The following CHCHD6 variants were observed in gnomAD, a reference collection of about 807,000 sequenced individuals.
CHCHD6 encodes the protein MICOS complex subunit MIC25.
A neutral mutation model predicts 32.3 loss-of-function variants in CHCHD6; 28 were observed. The ratio of observed to expected loss-of-function variants is 0.87; its 90% CI spans 0.64 to 1.19. The LOEUF is 1.19. Among genes scored for constraint, CHCHD6 ranks in the 50% most tolerant of loss-of-function variants. The probability of loss-of-function intolerance (pLI) is 0.00; values close to 1 mark genes in which losing one functional copy is unlikely to be tolerated. For synonymous variants in CHCHD6, 122 were observed against 117.5 expected (o/e 1.04, Z -0.25); for missense variants, 333 against 307.0 (o/e 1.08, Z -0.63).
Position 126,769,483 on chromosome 3 carries a change from G to A in CHCHD6, c.411+36261G>A, listed in dbSNP as rs1440836863. 2.6e-5 allele frequency among the ~76,000 whole-genome samples: 4 copies of A among 152,176 alleles called. No individual in the cohort carries two copies. In the East Asian group the frequency reaches 7.7e-4, roughly 29 times the overall value. On this transcript the variant is annotated intron_variant, in intron 4 of 7. Coordinates refer to ENST00000290913, the MANE Select transcript of CHCHD6 (RefSeq NM_032343.3). The stretch of plus-strand genomic sequence containing the variant: ...CGCTTTGTTCTTTTTGCTTAGGATT[G>A]CCTGGGCTATTTGGGCTCTTTTTTT...
chr3:126,745,455 G>A (rs1292528287), intron 4 of CHCHD6, among the ~76,000 whole-genome samples: 1 of 152,188 alleles, frequency 6.6e-6, no homozygotes, highest in Non-Finnish European at 1.5e-5. Flanking sequence ...TCTGGCAGAT[G>A]GAAGGTGGTC....
intron 4 of CHCHD6, among the ~76,000 whole-genome samples, chr3:126,828,856 A>G (rs1359484491): frequency 6.6e-6 from 1 of 151,960 alleles, no homozygotes; most frequent in Admixed American, 6.6e-5. Context: ...GCTGTTGATC[A>G]TTGCGTTCCC....
At chr3:126,796,956 T>C (rs919161883) in intron 4 of CHCHD6, among the ~76,000 whole-genome samples, 3 of 152,200 alleles carry the variant, frequency 2.0e-5, no homozygotes, top group African/African-American at 7.2e-5. Flanking sequence ...AGGGAAGCTT[T>C]AGGAAAGCTG....
chr3:126,890,226 C>A (rs1367588183), intron 5 of CHCHD6, among the ~76,000 whole-genome samples: 1 of 152,216 alleles, frequency 6.6e-6, no homozygotes, highest in Admixed American at 6.5e-5. Context: ...TTGCAGAAAT[C>A]ATCAATAGCT....
intron 4 of CHCHD6, among the ~76,000 whole-genome samples, chr3:126,757,475 T>C (rs1046831702): frequency 6.6e-6 from 1 of 152,094 alleles, no homozygotes; most frequent in Non-Finnish European, 1.5e-5. Context: ...GTAAAGGGCT[T>C]TGTTTATGGT....
Position 126,798,177 on chromosome 3 carries a change from C to T in CHCHD6, c.412-54470C>T, listed in dbSNP as rs150143816. 1.9e-3 allele frequency among the ~76,000 whole-genome samples: 292 copies of T among 152,178 alleles called. 1 individual carries two copies. The highest frequency in any genetic ancestry group is 6.5e-3 in the African/African-American group (270 of 41,528). On this transcript the variant is annotated intron_variant, in intron 4 of 7. Transcript: ENST00000290913. ...GAGCGCAGCAGGGTGACAAGGCACA[C>T]GGGCCACTCGGGCTTCCTGGGCCAG...
At chr3:126,922,391 A>G (rs1295461326) in intron 6 of CHCHD6, among the ~76,000 whole-genome samples, 1 of 152,202 alleles carries the variant, frequency 6.6e-6, no homozygotes, top group Admixed American at 6.5e-5. Context: ...TCAGCTTCTT[A>G]TGAAAACCAG....
At chr3:126,788,395 G>C (rs1938338120) in intron 4 of CHCHD6, among the ~76,000 whole-genome samples, 1 of 152,196 alleles carries the variant, frequency 6.6e-6, no homozygotes, top group Non-Finnish European at 1.5e-5. Flanking sequence ...GTTTCAGAAG[G>C]AATGGTACCA....
intron 5 of CHCHD6, among the ~76,000 whole-genome samples, chr3:126,868,053 C>T (rs1942348028): frequency 6.6e-6 from 1 of 152,234 alleles, no homozygotes; most frequent in African/African-American, 2.4e-5. Context: ...TCATCTGTCC[C>T]TGGAGCGCAA....
At chr3:126,788,614 G>A (rs897185924) in intron 4 of CHCHD6, among the ~76,000 whole-genome samples, 4 of 152,152 alleles carry the variant, frequency 2.6e-5, no homozygotes, top group African/African-American at 9.7e-5. Context: ...TATTTGTGTA[G>A]AAGTGTTTAT....
chr3:126,901,999 G>A (rs2077934997), intron 5 of CHCHD6, among the ~76,000 whole-genome samples: 2 of 152,214 alleles, frequency 1.3e-5, no homozygotes, highest in South Asian at 4.1e-4. Flanking sequence ...GAGGAAACAG[G>A]AACGCGCAAG....
Position 126,958,128 on chromosome 3 carries a change from GC to G in CHCHD6, c.702+578del, listed in dbSNP as rs2078812555. 2.6e-5 allele frequency among the ~76,000 whole-genome samples: 4 copies of G among 151,686 alleles called. No individual in the cohort carries two copies. In the South Asian group the frequency reaches 8.5e-4, roughly 32 times the overall value. ...CTCGGTTGTCCTGGATGCCTGTGAT[GC>G]GCTCCCAGCCAGCTCCTACTGCCTT... is the stretch of plus-strand genomic sequence containing the variant. On this transcript the variant is annotated intron_variant, in intron 7 of 7. Transcript: ENST00000290913.
At position 126,723,407 on chromosome 3, in the gene CHCHD6, G is replaced by A. The variant is rs540823296; in HGVS notation, c.88-3671G>A. Among the ~76,000 whole-genome samples the A allele has an allele frequency of 9.2e-5, 14 of 152,274 alleles. No homozygotes were observed. In the South Asian group the frequency reaches 1.5e-3, roughly 16 times the overall value. On this transcript the variant is annotated intron_variant, in intron 1 of 7. Transcript: ENST00000290913. Reference sequence around the variant, plus strand: ...GTTTTGTAGATTTCTCCTTGGAGCAGATCTGTATATGTGTCTTATGTGCAT... The same window carrying A: ...GTTTTGTAGATTTCTCCTTGGAGCAAATCTGTATATGTGTCTTATGTGCAT...
At chr3:126,925,303 G>A (rs2078306963) in intron 6 of CHCHD6, among the ~76,000 whole-genome samples, 1 of 152,128 alleles carries the variant, frequency 6.6e-6, no homozygotes, top group South Asian at 2.1e-4. Context: ...TGGGCCCCCA[G>A]GAAAGGAGAA....
At chr3:126,845,626 CT>C (rs1337598976) in intron 4 of CHCHD6, among the ~76,000 whole-genome samples, 3 of 152,070 alleles carry the variant, frequency 2.0e-5, no homozygotes, top group Non-Finnish European at 4.4e-5. Flanking sequence ...CTTGGGGGCC[CT>C]GTTCCATTTC....
At chr3:126,944,875 G>C (rs2078612648) in intron 6 of CHCHD6, among the ~76,000 whole-genome samples, 1 of 152,188 alleles carries the variant, frequency 6.6e-6, no homozygotes, top group African/African-American at 2.4e-5. Flanking sequence ...CTCAGGACTG[G>C]GTCCTAGAGG....
At chr3:126,914,011 G>C (rs1461043425) in intron 5 of CHCHD6, among the ~76,000 whole-genome samples, 1 of 152,218 alleles carries the variant, frequency 6.6e-6, no homozygotes, top group Non-Finnish European at 1.5e-5. Flanking sequence ...GTGATCTCAG[G>C]ACAAATTAAG....
intron 6 of CHCHD6, among the ~76,000 whole-genome samples, chr3:126,927,880 G>T (rs147137993): frequency 6.6e-6 from 1 of 152,158 alleles, no homozygotes; most frequent in Non-Finnish European, 1.5e-5. Context: ...AGAAAGCTTT[G>T]CATCAGTTAT....
rs1300829972 is a variant in CHCHD6 at position 126,830,643 on chromosome 3, C to T, written c.412-22004C>T. 2.6e-5 allele frequency among the ~76,000 whole-genome samples: 4 copies of T among 152,240 alleles called. No individual in the cohort carries two copies. The East Asian group carries it at 7.7e-4, about 29-fold the overall frequency. On this transcript the variant is annotated intron_variant, in intron 4 of 7. Coordinates refer to ENST00000290913, the MANE Select transcript of CHCHD6 (RefSeq NM_032343.3). The stretch of plus-strand genomic sequence containing the variant: ...CTCTTTACGGCTGCTACTTGGGTTT[C>T]CGGTCTCATTGTGTCTTGTCTAAAC...
Sources: allele counts gnomAD v4.1 joint callset (sites outside exome capture counted in the v4.1 genomes callset), GRCh38; gene constraint gnomAD v4.1.1; transcripts MANE v1.5; gene names NCBI Gene and HGNC (gene_info 2026-07-23, HGNC 2026-07-21).